WFDC11: variants seen among roughly 807,000 people sequenced by gnomAD.
WFDC11 encodes the protein WAP four-disulfide core domain 11.
WFDC11 carries 9 observed loss-of-function variants against 9.9 expected under a neutral mutation model. The observed-to-expected ratio is 0.91, with a 90% CI of 0.55 to 1.58. WFDC11 has a LOEUF of 1.58. Ranked by LOEUF, WFDC11 falls within the 40% of genes most tolerant of loss-of-function variation. WFDC11 has a pLI of 0.00. For synonymous variants in WFDC11, 32 were observed against 33.3 expected (o/e 0.96, Z 0.13); for missense variants, 106 against 101.7 (o/e 1.04, Z -0.18).
At chr20:45,663,983 A>G (rs1204509397) in intron 2 of WFDC11, among the ~76,000 whole-genome samples, 1 of 152,116 alleles carries the variant, frequency 6.6e-6, no homozygotes, top group Non-Finnish European at 1.5e-5. Context: ...TATCCTTGTT[A>G]ACCCTCTGTC....
intron 3 of WFDC11, among the ~76,000 whole-genome samples, chr20:45,650,125 ACAGGATTAGCTCTATACTGACATCTG>A (rs1455021682): frequency 2.6e-5 from 4 of 152,084 alleles, no homozygotes; most frequent in African/African-American, 7.3e-5. Flanking sequence ...GTATAGAGCT[ACAGGATTAGCTCTATACTGACATCTG>A]ACCCTCAAAG....
In WFDC11 at chr20:45,652,520, G is replaced by C. The variant is rs184330179; in HGVS notation, c.-51-1869C>G. ...GAAAAACTGGAAACTCTAAAAATCA[G>C]AGTGCCTCTCCTCCTCCAAAGGAAG... On this transcript the variant is annotated intron_variant, in intron 2 of 4. Coordinates refer to ENST00000324384, the MANE Select transcript of WFDC11 (RefSeq NM_147197.2). Among the ~76,000 whole-genome samples, 485 of 152,282 alleles carry C rather than the reference G, an allele frequency of 3.2e-3. 3 individuals carry two copies. Among genetic ancestry groups the C allele is most frequent in the African/African-American group, 0.011 (448 of 41,556 alleles).
At chr20:45,655,153 C>T (rs969872440) in intron 2 of WFDC11, among the ~76,000 whole-genome samples, 15 of 152,184 alleles carry the variant, frequency 9.9e-5, no homozygotes, top group Non-Finnish European at 2.9e-5. Context: ...AGACCAATAT[C>T]CCTGATGAAC....
intron 2 of WFDC11, among the ~76,000 whole-genome samples, chr20:45,653,282 T>C (rs1169648322): frequency 6.6e-6 from 1 of 152,082 alleles, no homozygotes; most frequent in Non-Finnish European, 1.5e-5. Context: ...TTCAACATTC[T>C]TAAAGAAAAG....
chr20:45,649,110 G>C, intron 4 of WFDC11, 147 bp downstream of exon 4: 1 of 953,388 alleles, frequency 1.0e-6, no homozygotes, highest in Non-Finnish European at 1.6e-6. Flanking sequence ...CCAGTGAATT[G>C]CTTTCCAAGT....
At chr20:45,657,401 G>A (rs1450617074) in intron 2 of WFDC11, among the ~76,000 whole-genome samples, 1 of 138,884 alleles carries the variant, frequency 7.2e-6, no homozygotes, top group Non-Finnish European at 1.5e-5. Context: ...CATGGACACA[G>A]GAAGGGGAAC....
intron 2 of WFDC11, among the ~76,000 whole-genome samples, chr20:45,650,991 T>C (rs910046725): frequency 3.9e-5 from 6 of 152,214 alleles, no homozygotes; most frequent in African/African-American, 1.4e-4. Flanking sequence ...TGAGAGTTTG[T>C]TGTACAGATT....
Position 45,662,181 on chromosome 20 carries a change from T to A in WFDC11, c.-52+4907A>T, listed in dbSNP as rs532217520. Among the ~76,000 whole-genome samples, 7 of 152,330 alleles carry A rather than the reference T, an allele frequency of 4.6e-5. No individual in the cohort carries two copies. In the South Asian group the frequency reaches 8.3e-4, roughly 18 times the overall value. On this transcript the variant is annotated intron_variant, in intron 2 of 4. Transcript: ENST00000324384. ...AGGTATTTTATTCTCTTTGAAGCAA[T>A]TGTGAATGGGAGTTCACTCATGATT...
At chr20:45,650,801 CA>C (rs1257816229) in intron 2 of WFDC11, 150 bp from the exon 3 acceptor site, 2 of 489,088 alleles carry the variant, frequency 4.1e-6, no homozygotes, top group Non-Finnish European at 7.2e-6. Context: ...TTGGCTTTGC[CA>C]AAAGGAATCC....
intron 2 of WFDC11, among the ~76,000 whole-genome samples, chr20:45,664,528 A>G (rs1179756709): frequency 6.6e-6 from 1 of 152,150 alleles, no homozygotes; most frequent in East Asian, 1.9e-4. Flanking sequence ...GGTCTGTACA[A>G]TTTGGCATGT....
chr20:45,650,602 TG>T lies in WFDC11; in HGVS notation c.-3del. On this transcript the variant is annotated 5_prime_UTR_variant, in exon 3 of 5. Transcript: ENST00000324384. Reference sequence around the variant, plus strand: ...CCAGAGCTTCATGAGGCTGACCATATGTGTCTGAATATGTGTTGTCAGAAGG... The same window carrying T: ...CCAGAGCTTCATGAGGCTGACCATATTGTCTGAATATGTGTTGTCAGAAGG... 1 of 1,612,812 alleles carries T rather than the reference TG, an allele frequency of 6.2e-7. No individual in the cohort carries two copies. The highest frequency in any genetic ancestry group is 8.5e-7 in the Non-Finnish European group (1 of 1,178,788).
intron 2 of WFDC11, among the ~76,000 whole-genome samples, chr20:45,666,401 T>G (rs1048622827): frequency 1.3e-5 from 2 of 152,208 alleles, no homozygotes; most frequent in Non-Finnish European, 2.9e-5. Context: ...CACCCCACCC[T>G]GCTTCCGCTC....
chr20:45,649,479 C>G, intron 3 of WFDC11, 80 bp from the exon 4 acceptor site: 1 of 1,536,896 alleles, frequency 6.5e-7, no homozygotes, highest in Non-Finnish European at 8.8e-7. Flanking sequence ...ATACGTTTAA[C>G]AGTTCCTCCT....
chr20:45,651,484 C>T (rs757603446), intron 2 of WFDC11, among the ~76,000 whole-genome samples: 7 of 152,024 alleles, frequency 4.6e-5, no homozygotes, highest in Non-Finnish European at 8.8e-5. Flanking sequence ...CATTTAGGGG[C>T]TGAATAGGAA....
intron 3 of WFDC11, among the ~76,000 whole-genome samples, chr20:45,650,226 ACACATGTGT>A (rs1568660640): frequency 7.5e-6 from 1 of 132,940 alleles, no homozygotes; most frequent in African/African-American, 3.0e-5. Flanking sequence ...ACACACACAC[ACACATGTGT>A]TTGTATATAT....
At chr20:45,666,187 C>A (rs989685624) in intron 2 of WFDC11, among the ~76,000 whole-genome samples, 3 of 152,248 alleles carry the variant, frequency 2.0e-5, no homozygotes, top group African/African-American at 7.2e-5. Context: ...GACTGCTGCA[C>A]TAGCAGTGAG....
intron 2 of WFDC11, among the ~76,000 whole-genome samples, chr20:45,664,820 C>A (rs1008649613): frequency 6.6e-6 from 1 of 152,170 alleles, no homozygotes; most frequent in Non-Finnish European, 1.5e-5. Flanking sequence ...TTGTGGGTAA[C>A]CTGACCCTTC....
intron 2 of WFDC11, among the ~76,000 whole-genome samples, chr20:45,657,580 T>C (rs1228581918): frequency 1.3e-5 from 2 of 152,158 alleles, no homozygotes; most frequent in Non-Finnish European, 2.9e-5. Context: ...ACTTAAAGTA[T>C]AATAAAAAGA....
At chr20:45,666,096 C>A (rs964206525) in intron 2 of WFDC11, among the ~76,000 whole-genome samples, 3 of 152,204 alleles carry the variant, frequency 2.0e-5, no homozygotes, top group Admixed American at 6.5e-5. Flanking sequence ...AGCTTCCCAG[C>A]CACTTTGTTT....
Sources: gnomAD v4.1 joint callset for allele counts (sites outside exome capture counted in the v4.1 genomes callset) on GRCh38, gnomAD v4.1.1 for gene constraint, MANE v1.5 for transcripts, NCBI Gene and HGNC (gene_info 2026-07-23, HGNC 2026-07-21) for gene names.